The following KIF5B variants were observed in gnomAD, a reference collection of about 807,000 sequenced individuals.
KIF5B encodes the protein kinesin-1 heavy chain.
In KIF5B, 49 loss-of-function variants were observed where a neutral mutation model predicts 132.8. The ratio of observed to expected loss-of-function variants is 0.37; its 90% CI spans 0.29 to 0.47. The LOEUF (loss-of-function observed/expected upper bound fraction) is 0.47, where lower values mean the gene tolerates loss of function less well. Ranked by LOEUF, KIF5B falls within the 20% of genes least tolerant of loss-of-function variation. The probability of loss-of-function intolerance (pLI) is 1.00; values close to 1 mark genes in which losing one functional copy is unlikely to be tolerated. For synonymous variants in KIF5B, 355 were observed against 369.4 expected (o/e 0.96, Z 0.45); for missense variants, 780 against 1,144.0 (o/e 0.68, Z 4.59).
chr10:32,018,504 C>T lies in KIF5B; in HGVS notation c.2365G>A (p.Val789Met). ...GTTTATTTTCATGTTTTTCTTACCA[C>T]TGTCTCTTCCAAACCCTTCAAGTCT... is the stretch of plus-strand genomic sequence containing the variant. Reference protein sequence around the residue: ...RQDLKGLEETVAKELQTLHNL... With the variant: ...RQDLKGLEETMAKELQTLHNL... The change falls in exon 21 of 26, where the codon GTG (valine) becomes ATG (methionine). Residue 789 changes from valine to methionine, a missense_variant and splice_region_variant. Physicochemically the swap from Val to Met is conservative, Grantham distance 21. Around this residue, in one of 9 missense-constraint regions of KIF5B, gnomAD observed 471 missense variants for 569.9 expected, o/e 0.83. Transcript: ENST00000302418. The T allele has an allele frequency of 6.2e-7, 1 of 1,612,616 alleles. No individual in the cohort carries two copies. Among genetic ancestry groups the T allele is most frequent in the Non-Finnish European group, 8.5e-7 (1 of 1,179,164 alleles).
At position 32,010,753 on chromosome 10, in the gene KIF5B, G is replaced by C. The variant is rs1841066454; in HGVS notation, c.*784C>G. 6.6e-6 allele frequency: 1 copy of C among 152,106 alleles called. No individual in the cohort carries two copies. The highest frequency in any genetic ancestry group is 1.5e-5 in the Non-Finnish European group (1 of 67,990). 9.4% of individuals were successfully genotyped at this position (152,106 alleles called of 1,614,324 possible). ...TTGTTGAGTACAGAATCAGGAAAAA[G>C]AGAAATATAATTCCTTTTCCAAACT... is the stretch of plus-strand genomic sequence containing the variant. On this transcript the variant is annotated 3_prime_UTR_variant, in exon 26 of 26. Transcript: ENST00000302418.
At chr10:32,021,583 A>G (rs989430258) in intron 17 of KIF5B, among the ~76,000 whole-genome samples, 1 of 120,254 alleles carries the variant, frequency 8.3e-6, no homozygotes, top group Non-Finnish European at 1.9e-5. Flanking sequence ...TAAGTCCCCT[A>G]TGTTAAGACA....
intron 24 of KIF5B, among the ~76,000 whole-genome samples, chr10:32,016,594 T>TGGCTCATTGCAATCTC (rs1363224774): frequency 2.6e-5 from 4 of 152,182 alleles, no homozygotes; most frequent in African/African-American, 7.2e-5. Context: ...GGTGCAATCT[T>TGGCTCATTGCAATCTC]GGCTCATTGC....
In KIF5B at chr10:32,050,531, C is replaced by T. The variant is rs190572704; in HGVS notation, c.127-1980G>A. 3.9e-5 allele frequency among the ~76,000 whole-genome samples: 6 copies of T among 152,286 alleles called. No individual in the cohort carries two copies. The East Asian group carries it at 5.8e-4, about 15-fold the overall frequency. ...GATGATGAAAAGCAACAGCTAAGGA[C>T]GACAAAGTATAACAGAGTGAGGAAC... On this transcript the variant is annotated intron_variant, in intron 1 of 25. Transcript: ENST00000302418.
intron 1 of KIF5B, among the ~76,000 whole-genome samples, chr10:32,051,191 T>C (rs1418771837): frequency 1.3e-5 from 2 of 152,258 alleles, no homozygotes; most frequent in African/African-American, 4.8e-5. Flanking sequence ...CCTGAGTAGC[T>C]GGGACCACAG....
At chr10:32,043,157 C>G (rs1841563658) in intron 2 of KIF5B, among the ~76,000 whole-genome samples, 1 of 152,160 alleles carries the variant, frequency 6.6e-6, no homozygotes, top group African/African-American at 2.4e-5. Context: ...GCATGTGCTA[C>G]CATGCCCGGC....
At chr10:32,040,348 G>T in intron 3 of KIF5B, 36 bp downstream of exon 3, 2 of 1,259,948 alleles carry the variant, frequency 1.6e-6, no homozygotes, top group Non-Finnish European at 2.3e-6. Context: ...TGTATGTATT[G>T]CAAACCACAT....
chr10:32,017,173 T>C lies in KIF5B; in HGVS notation c.2731A>G (p.Met911Val). 5 of 1,614,228 alleles carry C rather than the reference T, an allele frequency of 3.1e-6. No homozygotes were observed. The highest frequency in any genetic ancestry group is 2.2e-5 in the East Asian group (1 of 44,880). The change falls in exon 24 of 26, where the codon ATG (methionine) becomes GTG (valine). Residue 911 changes from methionine (M) to valine (V), a missense_variant. By Grantham distance (21) the Met-to-Val change is conservative. Transcript: ENST00000302418. ...RIKEAVRSKN[M>V]ARRGHSAQIA... ...TGTGCAGAATGCCCTCTTCTGGCCA[T>C]ATTCTTTGACCTGACTGCTTCCTTT...
intron 15 of KIF5B, among the ~76,000 whole-genome samples, chr10:32,025,590 G>T (rs1206330447): frequency 2.0e-5 from 3 of 152,024 alleles, no homozygotes; most frequent in African/African-American, 7.2e-5. Context: ...TGGCCAGGCT[G>T]GTCTCAAACT....
intron 24 of KIF5B, 107 bp downstream of exon 24, chr10:32,017,036 T>C (rs1047265619): frequency 2.3e-5 from 20 of 887,518 alleles, no homozygotes; most frequent in Non-Finnish European, 3.3e-5. Context: ...AGTTAGAAAA[T>C]AGAGACAGAT....
chr10:32,038,069 C>G (rs1419416191), intron 6 of KIF5B, 94 bp downstream of exon 6: 3 of 683,716 alleles, frequency 4.4e-6, no homozygotes, highest in Non-Finnish European at 7.5e-6. Context: ...GAGATTGCAC[C>G]ACTGCACTCC....
At chr10:32,035,868 G>T in intron 9 of KIF5B, 22 bp downstream of exon 9, 1 of 1,562,436 alleles carries the variant, frequency 6.4e-7, no homozygotes, top group Non-Finnish European at 8.8e-7. Flanking sequence ...GTAACAGGGA[G>T]ATAGAAGACA....
At chr10:32,028,384 G>C (rs745655199) in intron 15 of KIF5B, 44 bp downstream of exon 15, 1 of 1,493,966 alleles carries the variant, frequency 6.7e-7, no homozygotes, top group East Asian at 2.3e-5. Context: ...AAAAGTGCCA[G>C]TGTATACAGA....
chr10:32,037,218 T>C (rs1401964651), intron 8 of KIF5B, 36 bp downstream of exon 8: 1 of 1,591,586 alleles, frequency 6.3e-7, no homozygotes, highest in Non-Finnish European at 8.6e-7. Flanking sequence ...TTTACAAAGA[T>C]GCTTAAATAT....
intron 8 of KIF5B, 65 bp from the exon 9 acceptor site, chr10:32,036,059 A>G (rs1841456714): frequency 8.9e-7 from 1 of 1,124,290 alleles, no homozygotes; most frequent in Non-Finnish European, 1.2e-6. Context: ...TACATTTTCT[A>G]AAATGTTCAT....
intron 2 of KIF5B, among the ~76,000 whole-genome samples, chr10:32,043,789 A>G (rs1449432462): frequency 6.6e-6 from 1 of 152,206 alleles, no homozygotes; most frequent in East Asian, 1.9e-4. Flanking sequence ...CCAGATAATT[A>G]TGAGCCAGTG....
chr10:32,014,295 G>A (rs1402621999), intron 25 of KIF5B, among the ~76,000 whole-genome samples: 2 of 152,148 alleles, frequency 1.3e-5, no homozygotes, highest in Non-Finnish European at 2.9e-5. Context: ...GGAGGCTGAG[G>A]CAGGAGAATC....
intron 10 of KIF5B, 82 bp from the exon 11 acceptor site, chr10:32,034,920 G>A: frequency 9.7e-7 from 1 of 1,032,798 alleles, no homozygotes; most frequent in East Asian, 3.1e-5. Context: ...TGTATATATG[G>A]CTAAGAAACT....
intron 2 of KIF5B, 29 bp downstream of exon 2, chr10:32,048,435 A>G: frequency 6.9e-7 from 1 of 1,454,446 alleles, no homozygotes; most frequent in Non-Finnish European, 9.5e-7. Context: ...CTTATTGCTG[A>G]GACAACTCAG....
Sources: allele counts gnomAD v4.1 joint callset (sites outside exome capture counted in the v4.1 genomes callset), GRCh38; gene constraint gnomAD v4.1.1; regional missense constraint gnomAD v4.1.1; transcripts MANE v1.5; gene names NCBI Gene and HGNC (gene_info 2026-07-23, HGNC 2026-07-21).